GRIP1: variants seen among roughly 807,000 people sequenced by gnomAD.
GRIP1 encodes glutamate receptor-interacting protein 1.
Under a neutral mutation model 129.9 loss-of-function variants are expected in GRIP1, and 45 were observed. The observed-to-expected ratio is 0.35, with a 90% confidence interval of 0.27 to 0.44. The LOEUF (loss-of-function observed/expected upper bound fraction) is 0.44. Ranked by LOEUF, GRIP1 falls within the 20% of genes least tolerant of loss-of-function variation. The probability of loss-of-function intolerance (pLI) is 1.00; values close to 1 mark genes in which losing one functional copy is unlikely to be tolerated. For missense variants in GRIP1, 1,196 were observed against 1,396.8 expected, an observed-to-expected ratio of 0.86 and a Z score of 2.29; for synonymous variants, 530 against 520.8, an observed-to-expected ratio of 1.02 and a Z score of -0.24.
In GRIP1 at chr12:66,453,560, A is replaced by C. The variant is rs180901993; in HGVS notation, c.1354+1849T>G. Among the ~76,000 whole-genome samples, 327 of 152,372 alleles carry C rather than the reference A, an allele frequency of 2.1e-3. 6 individuals are homozygous for C. Among genetic ancestry groups the C allele is most frequent in the Admixed American group, 0.02 (303 of 15,306 alleles). ...TTTTCTCATGTGACAATTCATATTTAGGCCGATGACAGTTAACACAAACTA... is the reference window on the plus strand; with the variant it reads ...TTTTCTCATGTGACAATTCATATTTCGGCCGATGACAGTTAACACAAACTA... On this transcript the variant is annotated intron_variant, in intron 11 of 24. Coordinates refer to ENST00000359742, the MANE Select transcript of GRIP1 (RefSeq NM_001366722.1).
intron 1 of GRIP1, among the ~76,000 whole-genome samples, chr12:66,756,685 G>T (rs1167640047): frequency 6.6e-6 from 1 of 152,108 alleles, no homozygotes; most frequent in Non-Finnish European, 1.5e-5. Context: ...GAGCCAGGCA[G>T]CATGCATCAT....
intron 1 of GRIP1, among the ~76,000 whole-genome samples, chr12:66,652,459 A>C (rs1267895959): frequency 6.6e-6 from 1 of 152,180 alleles, no homozygotes; most frequent in African/African-American, 2.4e-5. Context: ...TCTTTCCTTT[A>C]CAAATTACCT....
intron 1 of GRIP1, among the ~76,000 whole-genome samples, chr12:66,660,267 T>C (rs888819256): frequency 1.0e-5 from 1 of 97,962 alleles, no homozygotes; most frequent in Non-Finnish European, 2.0e-5. Flanking sequence ...ATATTAAATA[T>C]CAAAATCAAT....
intron 1 of GRIP1, among the ~76,000 whole-genome samples, chr12:66,882,394 T>C (rs2040494636): frequency 6.6e-6 from 1 of 152,144 alleles, no homozygotes; most frequent in South Asian, 2.1e-4. Flanking sequence ...AATACCTGTT[T>C]TGTACTTGAG....
At chr12:66,690,849 C>T (rs897856429) in intron 1 of GRIP1, among the ~76,000 whole-genome samples, 2 of 151,542 alleles carry the variant, frequency 1.3e-5, no homozygotes, top group Non-Finnish European at 2.9e-5. Context: ...AGGAGGATTG[C>T]TTGAGCTCAG....
chr12:66,829,763 T>C (rs1165529600), intron 1 of GRIP1, among the ~76,000 whole-genome samples: 3 of 152,196 alleles, frequency 2.0e-5, no homozygotes, highest in African/African-American at 7.2e-5. Context: ...CAAGTACTAT[T>C]ACCTCTCAGT....
At chr12:66,660,535 T>TA (rs901747191) in intron 1 of GRIP1, among the ~76,000 whole-genome samples, 1 of 152,176 alleles carries the variant, frequency 6.6e-6, no homozygotes, top group African/African-American at 2.4e-5. Context: ...TTGTATTGTA[T>TA]AATTACAACA....
chr12:66,783,541 G>C (rs1203337869), intron 1 of GRIP1, among the ~76,000 whole-genome samples: 1 of 152,168 alleles, frequency 6.6e-6, no homozygotes, highest in East Asian at 1.9e-4. Flanking sequence ...AACACTCAGA[G>C]AGATGATCTT....
At chr12:66,702,605 C>A (rs1290368813) in intron 1 of GRIP1, among the ~76,000 whole-genome samples, 3 of 152,094 alleles carry the variant, frequency 2.0e-5, no homozygotes, top group Non-Finnish European at 2.9e-5. Context: ...AAAGTGGCCA[C>A]AGAAGCAGTG....
At chr12:66,515,424 T>A (rs1592463766) in intron 7 of GRIP1, among the ~76,000 whole-genome samples, 195 bp downstream of exon 7, 1 of 152,164 alleles carries the variant, frequency 6.6e-6, no homozygotes, top group African/African-American at 2.4e-5. Context: ...CCTATTGACA[T>A]GAGAACTCTA....
intron 1 of GRIP1, among the ~76,000 whole-genome samples, chr12:66,957,720 CTATCAACATTAAT>C (rs1218128257): frequency 1.3e-5 from 2 of 152,190 alleles, no homozygotes; most frequent in African/African-American, 4.8e-5. Context: ...AGAGCACCTA[CTATCAACATTAAT>C]TATCACTGTT....
chr12:66,989,944 A>G (rs929272429), intron 1 of GRIP1, among the ~76,000 whole-genome samples: 27 of 152,242 alleles, frequency 1.8e-4, no homozygotes, highest in Non-Finnish European at 3.5e-4. Context: ...TGATAATATT[A>G]CAAATAGACA....
chr12:66,474,318 T>C (rs1200954054), intron 7 of GRIP1, among the ~76,000 whole-genome samples: 3 of 151,940 alleles, frequency 2.0e-5, no homozygotes, highest in South Asian at 2.1e-4. Flanking sequence ...CCAAGAAATA[T>C]GGGACTATGT....
intron 11 of GRIP1, among the ~76,000 whole-genome samples, chr12:66,452,803 C>T (rs566991662): frequency 1.3e-5 from 2 of 152,158 alleles, no homozygotes; most frequent in South Asian, 2.1e-4. Context: ...ACCTTTACAT[C>T]TAATGTGACC....
At chr12:66,455,322 A>T in intron 11 of GRIP1, 87 bp downstream of exon 11, 1 of 1,231,382 alleles carries the variant, frequency 8.1e-7, no homozygotes, top group Non-Finnish European at 1.2e-6. Context: ...ACTGTGAAAC[A>T]CTCTTCCCAC....
At chr12:67,066,578 G>A (rs1447201905) in intron 1 of GRIP1, among the ~76,000 whole-genome samples, 1 of 152,088 alleles carries the variant, frequency 6.6e-6, no homozygotes, top group African/African-American at 2.4e-5. Flanking sequence ...ATTCGAAATT[G>A]ACCTTTTGGT....
At chr12:66,697,079 T>G (rs1467753627) in intron 1 of GRIP1, among the ~76,000 whole-genome samples, 1 of 151,924 alleles carries the variant, frequency 6.6e-6, no homozygotes, top group Non-Finnish European at 1.5e-5. Context: ...ATATAGCAGG[T>G]GCTTTATAAA....
chr12:66,725,171 G>A (rs1262122350), intron 1 of GRIP1, among the ~76,000 whole-genome samples: 1 of 151,948 alleles, frequency 6.6e-6, no homozygotes, highest in African/African-American at 2.4e-5. Flanking sequence ...ACATGGTGGT[G>A]CATTCCTGCA....
chr12:66,455,582 C>G lies in GRIP1; in HGVS notation c.1199-18G>C. 6.2e-7 allele frequency: 1 copy of G among 1,612,150 alleles called. No individual in the cohort carries two copies. Among genetic ancestry groups the G allele is most frequent in the Non-Finnish European group, 8.5e-7 (1 of 1,178,900 alleles). The stretch of plus-strand genomic sequence containing the variant: ...CAAAGCTGCTGCAAGAGAGTGAAGA[C>G]GTTGCACAGAGCACTCTCAGGTGAG... On this transcript the variant is annotated intron_variant, in intron 10 of 24. Coordinates refer to ENST00000359742, the MANE Select transcript of GRIP1 (RefSeq NM_001366722.1).
Sources: allele counts gnomAD v4.1 joint callset (sites outside exome capture counted in the v4.1 genomes callset), GRCh38; gene constraint gnomAD v4.1.1; transcripts MANE v1.5; gene names NCBI Gene and HGNC (gene_info 2026-07-23, HGNC 2026-07-21).